The following AUTS2 variants were observed in gnomAD, a reference collection of about 807,000 sequenced individuals.
AUTS2 encodes autism susceptibility gene 2 protein.
AUTS2 carries 17 observed loss-of-function variants against 112.4 expected under a neutral mutation model. The observed-to-expected ratio is 0.15, with a 90% confidence interval of 0.10 to 0.23. AUTS2 has a LOEUF of 0.23. Among genes scored for constraint, AUTS2 ranks in the 10% least tolerant of loss-of-function variants. The pLI, the probability that AUTS2 is intolerant of heterozygous loss-of-function variation, is 1.00. For synonymous variants in AUTS2, 751 were observed against 702.7 expected, an observed-to-expected ratio of 1.07 and a Z score of -1.09; for missense variants, 1,510 against 1,701.6, an observed-to-expected ratio of 0.89 and a Z score of 1.98.
intron 1 of AUTS2, among the ~76,000 whole-genome samples, chr7:69,891,812 G>T (rs1365468674): frequency 2.0e-4 from 2 of 9,888 alleles, no homozygotes; most frequent in Non-Finnish European, 5.4e-4. Flanking sequence ...TTTTTTTTTT[G>T]AGATGGAGTA....
chr7:70,499,585 G>C (rs1798693729), intron 5 of AUTS2, among the ~76,000 whole-genome samples: 1 of 152,238 alleles, frequency 6.6e-6, no homozygotes, highest in East Asian at 1.9e-4. Flanking sequence ...CCCTTGGAGA[G>C]GGTGGGTTTC....
chr7:70,587,818 A>G (rs1783105923), intron 5 of AUTS2, among the ~76,000 whole-genome samples: 2 of 152,200 alleles, frequency 1.3e-5, no homozygotes, highest in African/African-American at 4.8e-5. Context: ...TAGCAGTCCT[A>G]TGTGGTTCAA....
chr7:69,804,704 C>T (rs187109903), intron 1 of AUTS2, among the ~76,000 whole-genome samples: 5 of 152,316 alleles, frequency 3.3e-5, no homozygotes, highest in Admixed American at 1.3e-4. Flanking sequence ...TGTCGAGAAT[C>T]GTGCTGAGTT....
At chr7:70,629,485 A>G (rs987171966) in intron 5 of AUTS2, among the ~76,000 whole-genome samples, 1 of 144,688 alleles carries the variant, frequency 6.9e-6, no homozygotes, top group Admixed American at 6.9e-5. Context: ...AAAAGGGAAG[A>G]AAAAAAAAAA....
At chr7:69,713,830 C>T (rs1798450742) in intron 1 of AUTS2, among the ~76,000 whole-genome samples, 2 of 152,038 alleles carry the variant, frequency 1.3e-5, no homozygotes, top group African/African-American at 4.8e-5. Context: ...AATATTCTTC[C>T]AGCCTGTGGT....
At chr7:70,629,578 C>G (rs1805150033) in intron 5 of AUTS2, among the ~76,000 whole-genome samples, 1 of 152,106 alleles carries the variant, frequency 6.6e-6, no homozygotes, top group Non-Finnish European at 1.5e-5. Flanking sequence ...TTGCCACCTC[C>G]CTTAGCAGCC....
intron 5 of AUTS2, among the ~76,000 whole-genome samples, chr7:70,622,667 T>G (rs528236723): frequency 1.3e-5 from 2 of 152,342 alleles, no homozygotes; most frequent in African/African-American, 4.8e-5. Flanking sequence ...AAATCAGCTT[T>G]AATGAATTAT....
intron 2 of AUTS2, among the ~76,000 whole-genome samples, chr7:70,100,374 C>T (rs1423779327): frequency 6.6e-6 from 1 of 151,794 alleles, no homozygotes; most frequent in Non-Finnish European, 1.5e-5. Context: ...ATTGGATTAT[C>T]CCCATAGACC....
rs951036359 is a variant in AUTS2 at position 69,966,562 on chromosome 7, G to A, written c.522+67064G>A. Among the ~76,000 whole-genome samples the A allele has an allele frequency of 2.6e-5, 4 of 152,106 alleles. No individual in the cohort carries two copies. The South Asian group carries it at 8.3e-4, about 32-fold the overall frequency. On this transcript the variant is annotated intron_variant, in intron 2 of 18. Transcript: ENST00000342771. ...GTAGAATCTACTTTTGATTCCAAAT[G>A]GGTCTTAATTATTTTGTATTTGGGA...
At chr7:69,643,747 C>G (rs1441785803) in intron 1 of AUTS2, among the ~76,000 whole-genome samples, 1 of 151,972 alleles carries the variant, frequency 6.6e-6, no homozygotes, top group Non-Finnish European at 1.5e-5. Context: ...TTTGAAGAAG[C>G]TCCCTGATAT....
chr7:70,520,531 C>T (rs375065044), intron 5 of AUTS2, among the ~76,000 whole-genome samples: 49 of 152,340 alleles, frequency 3.2e-4, no homozygotes, highest in African/African-American at 1.1e-3. Context: ...TTAGATATCA[C>T]GTGCATCATG....
At chr7:69,855,539 A>G (rs1792682139) in intron 1 of AUTS2, among the ~76,000 whole-genome samples, 1 of 152,296 alleles carries the variant, frequency 6.6e-6, no homozygotes, top group East Asian at 1.9e-4. Flanking sequence ...TACTTACCCA[A>G]TATTCTTCCT....
intron 4 of AUTS2, chr7:70,293,045 C>G (rs1012271799): frequency 1.1e-4 from 17 of 152,254 alleles, no homozygotes; most frequent in African/African-American, 3.1e-4. Flanking sequence ...AACACCAACT[C>G]TGCAAAGTCC....
intron 4 of AUTS2, among the ~76,000 whole-genome samples, chr7:70,231,587 C>T (rs953005181): frequency 2.6e-5 from 4 of 151,484 alleles, no homozygotes; most frequent in Admixed American, 6.6e-5. Flanking sequence ...GGACTACAGG[C>T]GCCCACCACC....
chr7:69,694,349 T>C (rs1356961879), intron 1 of AUTS2, among the ~76,000 whole-genome samples: 1 of 152,212 alleles, frequency 6.6e-6, no homozygotes, highest in Non-Finnish European at 1.5e-5. Flanking sequence ...ATTTTTATTT[T>C]CTTTACTGTT....
intron 2 of AUTS2, among the ~76,000 whole-genome samples, chr7:69,946,346 C>T (rs1456535225): frequency 2.6e-5 from 4 of 152,002 alleles, no homozygotes; most frequent in Admixed American, 1.3e-4. Context: ...TATGGAGAAC[C>T]GTGTAGAAGT....
intron 5 of AUTS2, among the ~76,000 whole-genome samples, chr7:70,608,460 G>A (rs1447071503): frequency 6.6e-6 from 1 of 152,166 alleles, no homozygotes; most frequent in Non-Finnish European, 1.5e-5. Flanking sequence ...TTGTCCGGGA[G>A]GTTTTTAAAT....
chr7:69,740,411 A>C (rs1787212314), intron 1 of AUTS2, among the ~76,000 whole-genome samples: 1 of 152,202 alleles, frequency 6.6e-6, no homozygotes, highest in Non-Finnish European at 1.5e-5. Context: ...TCTTTATTTA[A>C]TCTACTTCTG....
At chr7:70,776,656 T>TCC (rs1790714405) in intron 13 of AUTS2, 1 of 234,342 alleles carries the variant, frequency 4.3e-6, no homozygotes, top group South Asian at 5.6e-5. Context: ...TTAGGACAGG[T>TCC]TCTGTACCCT....
Sources: allele counts gnomAD v4.1 joint callset (sites outside exome capture counted in the v4.1 genomes callset), GRCh38; gene constraint gnomAD v4.1.1; transcripts MANE v1.5; gene names NCBI Gene and HGNC (gene_info 2026-07-23, HGNC 2026-07-21).